The following KIAA1549 variants were observed in gnomAD, a reference collection of about 807,000 sequenced individuals.
The protein encoded by KIAA1549 is UPF0606 protein KIAA1549.
KIAA1549 carries 70 observed loss-of-function variants against 156.4 expected under a neutral mutation model. The ratio of observed to expected loss-of-function variants is 0.45; its 90% confidence interval spans 0.37 to 0.55. The LOEUF is 0.55. KIAA1549 is among the 20% of genes least tolerant of loss of function. The pLI is 0.00. For synonymous variants in KIAA1549, 1,103 were observed against 1,066.4 expected (o/e 1.03, Z -0.67); for missense variants, 2,428 against 2,540.9 (o/e 0.96, Z 0.96).
intron 16 of KIAA1549, among the ~76,000 whole-genome samples, chr7:138,859,249 T>C (rs551388575): frequency 1.1e-4 from 16 of 152,130 alleles, no homozygotes; most frequent in South Asian, 4.1e-4. Flanking sequence ...GCAGTTCTAT[T>C]GAATCGGGAC....
At chr7:138,912,527 C>T in intron 2 of KIAA1549, 67 bp from the exon 3 acceptor site, 1 of 1,337,058 alleles carries the variant, frequency 7.5e-7, no homozygotes, top group Non-Finnish European at 1.1e-6. Flanking sequence ...CACCAGACTT[C>T]TGGACCCCAG....
intron 1 of KIAA1549, among the ~76,000 whole-genome samples, chr7:138,968,832 C>G (rs899076042): frequency 2.3e-5 from 3 of 130,900 alleles, no homozygotes; most frequent in Non-Finnish European, 4.6e-5. Flanking sequence ...TGCACTCCAG[C>G]TTGGGCGACA....
intron 10 of KIAA1549, among the ~76,000 whole-genome samples, chr7:138,889,299 T>C (rs767815342): frequency 3.3e-5 from 5 of 152,196 alleles, no homozygotes; most frequent in Non-Finnish European, 7.3e-5. Flanking sequence ...CCTAGGCACC[T>C]AAATGTCTTC....
rs1457333798 is a variant in KIAA1549 at position 138,861,313 on chromosome 7, C to G, written c.5073G>C (p.Leu1691=). 1.2e-6 allele frequency: 2 copies of G among 1,609,192 alleles called. No homozygotes were observed. The highest frequency in any genetic ancestry group is 1.7e-6 in the Non-Finnish European group (2 of 1,178,486). ...EEARQTMHSL[L]DDAFALVAPS... is the part of the protein sequence containing the mutation. Reference sequence around the variant, plus strand: ...GGGCCACGAGGGCAAAGGCGTCGTCCAGGAGGGAGTGCATGGTCTGGCGTG... The same window carrying G: ...GGGCCACGAGGGCAAAGGCGTCGTCGAGGAGGGAGTGCATGGTCTGGCGTG... The change falls in exon 16 of 20, where the codon CTG becomes CTC. Residue 1691 remains leucine (L), a synonymous_variant. Transcript: ENST00000422774.
At chr7:138,882,441 A>C (rs1364500740) in intron 10 of KIAA1549, among the ~76,000 whole-genome samples, 1 of 152,232 alleles carries the variant, frequency 6.6e-6, no homozygotes, top group Non-Finnish European at 1.5e-5. Context: ...TTTCATTTCA[A>C]ACACGCTTAA....
rs532540689 is a variant in KIAA1549 at position 138,924,141 on chromosome 7, T to C, written c.188-4703A>G. Among the ~76,000 whole-genome samples the C allele has an allele frequency of 2.6e-5, 4 of 152,144 alleles. No individual in the cohort carries two copies. The East Asian group carries it at 7.7e-4, about 29-fold the overall frequency. On this transcript the variant is annotated intron_variant, in intron 1 of 19. Coordinates refer to ENST00000422774, the MANE Select transcript of KIAA1549 (RefSeq NM_001164665.2). ...GCACAGGTAAAAGAAAACACGATAC[T>C]TATTATGACCACAGTAAAATAGCAG...
In KIAA1549 at chr7:138,918,069, T is replaced by G. The variant is rs777359193; in HGVS notation, c.1557A>C (p.Thr519=). Residue 519 remains threonine, a synonymous_variant, in exon 2 of 20, where the codon ACA becomes ACC. Coordinates refer to ENST00000422774, the MANE Select transcript of KIAA1549 (RefSeq NM_001164665.2). This position sits in a 1 kb window ranked among gnomAD's most constrained non-coding sequence, Gnocchi z 4.2. ...GGCGGCCGTGGGCAGGGGGAACCTGTGTGGTTGTAACACTACTCATATCCA... is the reference window on the plus strand; with the variant it reads ...GGCGGCCGTGGGCAGGGGGAACCTGGGTGGTTGTAACACTACTCATATCCA... ...AEVDMSSVTT[T]QVPPAHGRLS... is the part of the protein sequence containing the mutation. 6.2e-7 allele frequency: 1 copy of G among 1,613,502 alleles called. No individual in the cohort carries two copies. The highest frequency in any genetic ancestry group is 1.7e-5 in the Admixed American group (1 of 59,958).
chr7:138,864,316 A>G (rs1018104249), intron 15 of KIAA1549, among the ~76,000 whole-genome samples: 4 of 152,166 alleles, frequency 2.6e-5, no homozygotes, highest in Non-Finnish European at 5.9e-5. Context: ...AGAGAAGGCT[A>G]AACTTCTATA....
intron 19 of KIAA1549, 145 bp downstream of exon 19, chr7:138,839,988 C>T: frequency 1.6e-6 from 1 of 616,280 alleles, no homozygotes; most frequent in Non-Finnish European, 2.6e-6. Flanking sequence ...GACGGGATTT[C>T]ACTACATTGG....
At chr7:138,848,536 A>G (rs921794289) in intron 17 of KIAA1549, among the ~76,000 whole-genome samples, 5 of 152,122 alleles carry the variant, frequency 3.3e-5, no homozygotes, top group Non-Finnish European at 7.3e-5. Context: ...GTAATATGAG[A>G]TCCTTTTGTG....
intron 9 of KIAA1549, 119 bp downstream of exon 9, chr7:138,898,836 T>G: frequency 2.4e-6 from 2 of 845,170 alleles, no homozygotes; most frequent in Non-Finnish European, 3.8e-6. Flanking sequence ...CAACTGGCAC[T>G]TCACCATCAG....
At position 138,911,235 on chromosome 7, in the gene KIAA1549, T is replaced by C; in HGVS notation, c.3056A>G (p.Asn1019Ser). The C allele has an allele frequency of 6.2e-7, 1 of 1,602,296 alleles. No individual in the cohort carries two copies. The stretch of plus-strand genomic sequence containing the variant: ...AGTCTGGTCACGGACAAGCTTACTG[T>C]TTATAAGCACATTTATGACGGATAT... ...TAISVINVLI[N>S]SKLVRDQTPL... is the part of the protein sequence containing the mutation. The change falls in exon 4 of 20, where the codon AAC (asparagine) becomes AGC (serine). Residue 1019 changes from asparagine (N) to serine (S), a missense_variant. Physicochemically the swap from Asn to Ser is conservative, Grantham distance 46. Transcript: ENST00000422774.
At chr7:138,912,967 C>T (rs924884559) in intron 2 of KIAA1549, among the ~76,000 whole-genome samples, 18 of 152,264 alleles carry the variant, frequency 1.2e-4, no homozygotes, top group Non-Finnish European at 1.0e-4. Flanking sequence ...CTCCGCCTCC[C>T]GGGTTCACAC....
intron 1 of KIAA1549, among the ~76,000 whole-genome samples, chr7:138,920,438 T>C (rs914562518): frequency 2.0e-5 from 3 of 152,032 alleles, no homozygotes; most frequent in Non-Finnish European, 4.4e-5. Context: ...CAATAAGTGC[T>C]AGGAGCTCAA....
intron 1 of KIAA1549, among the ~76,000 whole-genome samples, chr7:138,921,202 C>G (rs1197379166): frequency 1.3e-5 from 2 of 152,158 alleles, no homozygotes; most frequent in African/African-American, 4.8e-5. Flanking sequence ...GAAAAATATC[C>G]ACTTTTCAGA....
chr7:138,864,274 C>T (rs1810671673), intron 15 of KIAA1549, among the ~76,000 whole-genome samples: 2 of 152,214 alleles, frequency 1.3e-5, no homozygotes, highest in African/African-American at 4.8e-5. Flanking sequence ...GCTATAACCA[C>T]TGCCAATCTC....
intron 1 of KIAA1549, among the ~76,000 whole-genome samples, chr7:138,972,404 C>G (rs549665037): frequency 4.9e-4 from 65 of 133,198 alleles, no homozygotes; most frequent in Non-Finnish European, 7.4e-4. Flanking sequence ...CCTGGGATCT[C>G]AGCTGCACCC....
In KIAA1549 at chr7:138,898,962, A is replaced by C; in HGVS notation, c.3840T>G (p.Ile1280Met). 1 of 1,613,780 alleles carries C rather than the reference A, an allele frequency of 6.2e-7. No individual in the cohort carries two copies. Among genetic ancestry groups the C allele is most frequent in the Non-Finnish European group, 8.5e-7 (1 of 1,179,718 alleles). The change falls in exon 9 of 20, where the codon ATT becomes ATG. Residue 1280 changes from isoleucine (I) to methionine (M), a missense_variant. Ile to Met is a conservative substitution (Grantham distance 10). Around this residue, in one of 5 missense-constraint regions of KIAA1549, gnomAD observed 762 missense variants for 901.6 expected, o/e 0.85. Coordinates refer to ENST00000422774, the MANE Select transcript of KIAA1549 (RefSeq NM_001164665.2). ...IILGYRIQGV[I>M]AQPVDRVKRP... ...AACACCTCAGGCACTTACGCTGGGC[A>C]ATGACACCTTGAATTCGGTAACCCA...
intron 2 of KIAA1549, among the ~76,000 whole-genome samples, chr7:138,915,932 C>G (rs1563075479): frequency 6.6e-6 from 1 of 152,246 alleles, no homozygotes; most frequent in Non-Finnish European, 1.5e-5. Context: ...CAGGCATGCC[C>G]TCAGGTGGGC....
Sources: gnomAD v4.1 joint callset for allele counts (sites outside exome capture counted in the v4.1 genomes callset) on GRCh38, gnomAD v4.1.1 for gene constraint, gnomAD v4.1.1 regional missense constraint, Gnocchi (gnomAD v3.1) non-coding constraint, MANE v1.5 for transcripts, NCBI Gene and HGNC (gene_info 2026-07-23, HGNC 2026-07-21) for gene names.